Variants in GRIN2A observed in about 807,000 individuals in gnomAD.
The protein encoded by GRIN2A is glutamate ionotropic receptor NMDA type subunit 2A, also known as glutamate receptor ionotropic, NMDA 2A.
GRIN2A carries 22 observed loss-of-function variants against 113.4 expected under a neutral mutation model. The observed-to-expected ratio is 0.19, with a 90% CI of 0.14 to 0.28. The LOEUF is 0.28. Ranked by LOEUF, GRIN2A falls within the 10% of genes least tolerant of loss-of-function variation. GRIN2A has a pLI of 1.00. For synonymous variants in GRIN2A, 827 were observed against 738.4 expected, an observed-to-expected ratio of 1.12 and a Z score of -1.94; for missense variants, 1,502 against 1,887.0, an observed-to-expected ratio of 0.80 and a Z score of 3.78.
At chr16:9,883,780 T>C (rs1039965529) in intron 4 of GRIN2A, among the ~76,000 whole-genome samples, 1 of 152,092 alleles carries the variant, frequency 6.6e-6, no homozygotes, top group Non-Finnish European at 1.5e-5. Flanking sequence ...GAGGGAGAGA[T>C]CTGGTTGTAT....
intron 2 of GRIN2A, among the ~76,000 whole-genome samples, chr16:10,060,983 A>G (rs1165961765): frequency 6.6e-6 from 1 of 152,216 alleles, no homozygotes; most frequent in African/African-American, 2.4e-5. Flanking sequence ...TTAGAACTCC[A>G]GTTTAATTCA....
At chr16:9,799,232 C>T (rs1452212713) in intron 10 of GRIN2A, among the ~76,000 whole-genome samples, 31 of 152,200 alleles carry the variant, frequency 2.0e-4, no homozygotes, top group Admixed American at 2.0e-3. Context: ...AACATTCATA[C>T]AGAAGTAGGG....
chr16:10,011,537 C>T (rs2046505458), intron 2 of GRIN2A, among the ~76,000 whole-genome samples: 1 of 152,188 alleles, frequency 6.6e-6, no homozygotes, highest in Non-Finnish European at 1.5e-5. Flanking sequence ...GGAGGAAAAA[C>T]ACAAGGTCAG....
At chr16:10,098,580 A>G (rs1596502667) in intron 2 of GRIN2A, among the ~76,000 whole-genome samples, 1 of 152,228 alleles carries the variant, frequency 6.6e-6, no homozygotes, top group Admixed American at 6.5e-5. Flanking sequence ...ACAAGTGGCT[A>G]AACAAATTGT....
intron 2 of GRIN2A, among the ~76,000 whole-genome samples, chr16:10,036,291 T>C (rs1056257451): frequency 6.6e-6 from 1 of 152,092 alleles, no homozygotes; most frequent in African/African-American, 2.4e-5. Flanking sequence ...AGGCTGAAAG[T>C]GTAAGATCAA....
intron 2 of GRIN2A, among the ~76,000 whole-genome samples, chr16:10,007,975 A>C (rs2046434814): frequency 6.6e-6 from 1 of 152,180 alleles, no homozygotes. Flanking sequence ...CATCCTCTAT[A>C]AGATACAAGT....
At chr16:9,926,082 C>T (rs192819113) in intron 3 of GRIN2A, among the ~76,000 whole-genome samples, 4 of 152,270 alleles carry the variant, frequency 2.6e-5, no homozygotes, top group East Asian at 3.9e-4. Context: ...TTTCTTCCAA[C>T]CTTAAAATAA....
intron 2 of GRIN2A, among the ~76,000 whole-genome samples, chr16:10,118,068 G>T (rs2048762269): frequency 6.6e-6 from 1 of 152,138 alleles, no homozygotes; most frequent in South Asian, 2.1e-4. Flanking sequence ...TCCTTCTGAG[G>T]TGGCCAAGTT....
At chr16:9,777,783 G>T (rs1901691029) in intron 11 of GRIN2A, among the ~76,000 whole-genome samples, 1 of 152,248 alleles carries the variant, frequency 6.6e-6, no homozygotes, top group Non-Finnish European at 1.5e-5. Flanking sequence ...CCCAACTCTG[G>T]CCGGGTGCAG....
At chr16:10,098,940 C>T (rs562634004) in intron 2 of GRIN2A, among the ~76,000 whole-genome samples, 2 of 128,280 alleles carry the variant, frequency 1.6e-5, no homozygotes, top group South Asian at 2.4e-4. Context: ...CCCTCCCCCC[C>T]CCAAAAAAAA....
chr16:9,834,728 A>C lies in GRIN2A; in HGVS notation c.1652-498T>G, dbSNP rs549314689. On this transcript the variant is annotated intron_variant, in intron 7 of 12. Coordinates refer to ENST00000330684, the MANE Select transcript of GRIN2A (RefSeq NM_001134407.3). Reference sequence around the variant, plus strand: ...CATTTTAAATCATTCTTTATTCTACAAAATATTTGAAGTATAAGATTGCAT... The same window carrying C: ...CATTTTAAATCATTCTTTATTCTACCAAATATTTGAAGTATAAGATTGCAT... Among the ~76,000 whole-genome samples, 3 of 152,332 alleles carry C rather than the reference A, an allele frequency of 2.0e-5. No individual in the cohort carries two copies. In the East Asian group the frequency reaches 5.8e-4, roughly 29 times the overall value.
chr16:9,966,766 C>G (rs2045563354), intron 2 of GRIN2A, among the ~76,000 whole-genome samples: 1 of 152,172 alleles, frequency 6.6e-6, no homozygotes, highest in African/African-American at 2.4e-5. Context: ...CAGAATCACC[C>G]AAAAGGCTTG....
chr16:9,843,603 A>C (rs570434914), intron 5 of GRIN2A, among the ~76,000 whole-genome samples: 276 of 152,136 alleles, frequency 1.8e-3, no homozygotes, highest in African/African-American at 5.3e-3. Flanking sequence ...CACTCTCTTC[A>C]CCATTGTATC....
intron 10 of GRIN2A, among the ~76,000 whole-genome samples, chr16:9,802,266 A>G (rs1903408969): frequency 6.6e-6 from 1 of 152,194 alleles, no homozygotes; most frequent in Admixed American, 6.5e-5. Flanking sequence ...TCACAATAGC[A>G]AAGACATGGC....
intron 2 of GRIN2A, among the ~76,000 whole-genome samples, chr16:10,095,206 C>T (rs9934226): frequency 0.2 from 30,139 of 152,026 alleles, 3,575 homozygotes; most frequent in African/African-American, 0.33. Context: ...CACGCCAGCT[C>T]CCTGATCTTG....
intron 3 of GRIN2A, among the ~76,000 whole-genome samples, chr16:9,931,396 C>T (rs538810638): frequency 5.3e-5 from 8 of 152,244 alleles, no homozygotes; most frequent in African/African-American, 1.9e-4. Flanking sequence ...CCATGCCTGG[C>T]ACCATGCTAA....
chr16:9,766,053 C>G (rs1192153616), intron 12 of GRIN2A, among the ~76,000 whole-genome samples: 1 of 152,184 alleles, frequency 6.6e-6, no homozygotes, highest in Admixed American at 6.5e-5. Context: ...ACATTTTGAT[C>G]TGTGGCTTCC....
chr16:10,165,365 G>C (rs891772500), intron 2 of GRIN2A, among the ~76,000 whole-genome samples: 6 of 151,696 alleles, frequency 4.0e-5, no homozygotes, highest in Non-Finnish European at 7.4e-5. Context: ...GTCTGTGGAT[G>C]CTGAGAGTAA....
intron 2 of GRIN2A, among the ~76,000 whole-genome samples, chr16:9,990,223 C>G (rs1228384177): frequency 6.6e-6 from 1 of 152,118 alleles, no homozygotes; most frequent in African/African-American, 2.4e-5. Context: ...GAAATCATGT[C>G]CTTTCCAGCA....
Sources: allele counts gnomAD v4.1 joint callset (sites outside exome capture counted in the v4.1 genomes callset), GRCh38; gene constraint gnomAD v4.1.1; transcripts MANE v1.5; gene names NCBI Gene and HGNC (gene_info 2026-07-23, HGNC 2026-07-21).